The following EDARADD variants were observed in gnomAD, a reference collection of about 807,000 sequenced individuals.
EDARADD encodes EDAR associated via death domain.
A neutral mutation model predicts 25.6 loss-of-function variants in EDARADD; 20 were observed. The ratio of observed to expected loss-of-function variants is 0.78; its 90% confidence interval spans 0.55 to 1.14. The LOEUF (loss-of-function observed/expected upper bound fraction) is 1.14. EDARADD is among the 50% of genes most tolerant of loss of function. EDARADD has a pLI of 0.00. For synonymous variants in EDARADD, 86 were observed against 94.4 expected, an observed-to-expected ratio of 0.91 and a Z score of 0.52; for missense variants, 225 against 270.1, an observed-to-expected ratio of 0.83 and a Z score of 1.17.
chr1:236,425,835 T>C (rs1657901014), intron 3 of EDARADD, among the ~76,000 whole-genome samples: 1 of 152,226 alleles, frequency 6.6e-6, no homozygotes, highest in Non-Finnish European at 1.5e-5. Flanking sequence ...GTCAATTCTA[T>C]CCCAGGCAGC....
Position 236,349,472 on chromosome 1 carries a change from C to T in EDARADD, c.-142+506C>T, listed in dbSNP as rs758218934. On this transcript the variant is annotated intron_variant, in intron 2 of 7. Coordinates refer to the EDARADD transcript ENST00000439430. ...TTATATATTTTAGGGAGGTATGAGACATCAATCAAATACATTTAAGAAATA... is the reference window on the plus strand; with the variant it reads ...TTATATATTTTAGGGAGGTATGAGATATCAATCAAATACATTTAAGAAATA... Among the ~76,000 whole-genome samples the T allele has an allele frequency of 1.4e-3, 200 of 147,466 alleles. 3 individuals carry two copies. The highest frequency in any genetic ancestry group is 5.2e-4 in the Non-Finnish European group (35 of 67,280).
chr1:236,412,704 T>C (rs1051852433), intron 2 of EDARADD, among the ~76,000 whole-genome samples: 1 of 152,156 alleles, frequency 6.6e-6, no homozygotes. Flanking sequence ...TCCAGCATCG[T>C]CTTTCTAGGA....
Position 236,484,393 on chromosome 1 carries a change from T to C in EDARADD, c.*1744T>C. The C allele has an allele frequency of 6.2e-7, 1 of 1,606,436 alleles. No homozygotes were observed. Among genetic ancestry groups the C allele is most frequent in the Non-Finnish European group, 8.5e-7 (1 of 1,174,120 alleles). On this transcript the variant is annotated 3_prime_UTR_variant, in exon 6 of 6. Transcript: ENST00000334232. The surrounding 1 kb of genome is among the most constrained non-coding windows in gnomAD (Gnocchi z 4.1). ...GAGCGCTTGGCCAAGTACAACCAGCTCCTCAGAATTGAAGAGGAGCTGGGC... is the reference window on the plus strand; with the variant it reads ...GAGCGCTTGGCCAAGTACAACCAGCCCCTCAGAATTGAAGAGGAGCTGGGC...
chr1:236,443,811 G>A (rs1259937870), intron 4 of EDARADD, among the ~76,000 whole-genome samples: 3 of 152,160 alleles, frequency 2.0e-5, no homozygotes, highest in Non-Finnish European at 4.4e-5. Context: ...AATAATGCAC[G>A]AAGCAGGGGC....
intron 4 of EDARADD, among the ~76,000 whole-genome samples, chr1:236,436,624 CAAAAAA>C (rs5781885): frequency 1.4e-4 from 13 of 94,214 alleles, no homozygotes; most frequent in Admixed American, 4.4e-4. Context: ...AAGATCTTGT[CAAAAAA>C]AAAAAAAAAA....
chr1:236,376,662 T>C (rs1367434452), intron 3 of EDARADD, among the ~76,000 whole-genome samples: 4 of 152,234 alleles, frequency 2.6e-5, no homozygotes, highest in African/African-American at 4.8e-5. Flanking sequence ...TTGGCATTTA[T>C]CCTGCTTTGC....
intron 4 of EDARADD, among the ~76,000 whole-genome samples, chr1:236,465,161 A>G (rs981788965): frequency 6.6e-6 from 1 of 151,834 alleles, no homozygotes; most frequent in Non-Finnish European, 1.5e-5. Context: ...TGCTTATGTC[A>G]TTCTTCCCCC....
At chr1:236,359,778 G>A (rs540675181) in intron 3 of EDARADD, among the ~76,000 whole-genome samples, 1 of 152,248 alleles carries the variant, frequency 6.6e-6, no homozygotes, top group East Asian at 1.9e-4. Context: ...GGAAAGACTT[G>A]CCACCATGAT....
Position 236,388,024 on chromosome 1 carries a change from T to A in EDARADD, c.-5-21192T>A, listed in dbSNP as rs1667376962. ...AAAAATAAATTAAAAAAAAAAATAA[T>A]AATAATAATAATTTGAAAGTTAATG... On this transcript the variant is annotated intron_variant, in intron 3 of 7. Transcript: ENST00000439430. Among the ~76,000 whole-genome samples the A allele has an allele frequency of 9.7e-4, 3 of 3,092 alleles. 1 individual carries two copies. The highest frequency in any genetic ancestry group is 1.9e-3 in the Non-Finnish European group (2 of 1,072). 2.0% of individuals were successfully genotyped at this position (3,092 alleles called of 152,430 possible). A position where few individuals can be genotyped will look rare whatever the true frequency, so the allele number is the denominator to read the frequency against.
intron 1 of EDARADD, among the ~76,000 whole-genome samples, chr1:236,405,783 TTC>T (rs1440850315): frequency 2.3e-3 from 104 of 44,514 alleles, no homozygotes; most frequent in African/African-American, 4.0e-3. Context: ...CTTTCTTTCT[TTC>T]TTTCTTTTCT....
chr1:236,478,359 A>ATATGTG (rs139654551), intron 5 of EDARADD, among the ~76,000 whole-genome samples: 1 of 144,764 alleles, frequency 6.9e-6, no homozygotes, highest in Non-Finnish European at 1.5e-5. Context: ...CCATATATAT[A>ATATGTG]TGTGTGTGTG....
chr1:236,437,813 A>G (rs1226680507), intron 4 of EDARADD, among the ~76,000 whole-genome samples: 2 of 136,858 alleles, frequency 1.5e-5, no homozygotes, highest in Non-Finnish European at 3.0e-5. Flanking sequence ...GTGATCTCAG[A>G]TCTCAGCCCA....
Position 236,361,609 on chromosome 1 carries a change from C to T in EDARADD, c.-6+10770C>T, listed in dbSNP as rs537920408. ...CCTCCCAAAGTGCTAGGATTACAGA[C>T]GTGAGCCACCACGCACAGCCAAATT... is the stretch of plus-strand genomic sequence containing the variant. On this transcript the variant is annotated intron_variant, in intron 3 of 7. Coordinates refer to the EDARADD transcript ENST00000439430. 2.3e-4 allele frequency among the ~76,000 whole-genome samples: 31 copies of T among 134,106 alleles called. 1 individual carries two copies. In the South Asian group the frequency reaches 4.9e-3, roughly 21 times the overall value. The allele number at this position is 134,106 out of a possible 152,430, so 88.0% of individuals were successfully genotyped here.
chr1:236,428,673 C>G (rs77084452), intron 4 of EDARADD, among the ~76,000 whole-genome samples: 46,085 of 121,666 alleles, frequency 0.38, 11,361 homozygotes, highest in Non-Finnish European at 0.54. Context: ...CGGGAAGAGG[C>G]GCTCCTCACT....
chr1:236,443,034 G>C (rs945738471), intron 4 of EDARADD, among the ~76,000 whole-genome samples: 5 of 152,126 alleles, frequency 3.3e-5, no homozygotes, highest in African/African-American at 1.2e-4. Context: ...TCGTGAGAAA[G>C]GAACTGAAGG....
intron 3 of EDARADD, among the ~76,000 whole-genome samples, chr1:236,384,288 C>G (rs1667330311): frequency 6.6e-6 from 1 of 152,188 alleles, no homozygotes; most frequent in South Asian, 2.1e-4. Flanking sequence ...GGGTCTATGT[C>G]TCTGCAATCT....
chr1:236,467,135 G>A (rs534302081), intron 4 of EDARADD, among the ~76,000 whole-genome samples: 2 of 151,976 alleles, frequency 1.3e-5, no homozygotes, highest in East Asian at 3.9e-4. Flanking sequence ...CTTTACAGGT[G>A]AGACTCTCAG....
chr1:236,360,342 A>AGAT lies in EDARADD; in HGVS notation c.-6+9504_-6+9505insATG, dbSNP rs1667031205. On this transcript the variant is annotated intron_variant, in intron 3 of 7. Coordinates refer to the EDARADD transcript ENST00000439430. Reference sequence around the variant, plus strand: ...CTTAAAAAAAAAAAGAAGAAGAAGAAGTGGGGATTTCAGGTACTTAGGAGA... The same window carrying AGAT: ...CTTAAAAAAAAAAAGAAGAAGAAGAAGATGTGGGGATTTCAGGTACTTAGGAGA... 2.0e-5 allele frequency among the ~76,000 whole-genome samples: 3 copies of AGAT among 151,718 alleles called. No homozygotes were observed. The South Asian group carries it at 6.2e-4, about 32-fold the overall frequency.
intron 3 of EDARADD, among the ~76,000 whole-genome samples, chr1:236,351,863 T>A (rs1666918586): frequency 6.6e-6 from 1 of 152,152 alleles, no homozygotes; most frequent in Non-Finnish European, 1.5e-5. Flanking sequence ...TGGGTTTTTT[T>A]AATCAAGGGG....
Sources: gnomAD v4.1 joint callset for allele counts (sites outside exome capture counted in the v4.1 genomes callset) on GRCh38, gnomAD v4.1.1 for gene constraint, Gnocchi (gnomAD v3.1) non-coding constraint, MANE v1.5 for transcripts, NCBI Gene and HGNC (gene_info 2026-07-23, HGNC 2026-07-21) for gene names.